FARS2: variants seen among roughly 807,000 people sequenced by gnomAD.
FARS2 encodes the protein phenylalanine--tRNA ligase, mitochondrial.
A neutral mutation model predicts 46.4 loss-of-function variants in FARS2; 40 were observed. The observed-to-expected ratio is 0.86, with a 90% confidence interval of 0.67 to 1.12. The LOEUF (loss-of-function observed/expected upper bound fraction) is 1.12, where lower values mean the gene tolerates loss of function less well. FARS2 is among the 50% of genes most tolerant of loss of function. The pLI is 0.00. For synonymous variants in FARS2, 234 were observed against 214.9 expected (o/e 1.09, Z -0.78); for missense variants, 513 against 567.9 (o/e 0.90, Z 0.98).
Position 5,343,601 on chromosome 6 carries a change from C to T in FARS2, c.-21-24949C>T, listed in dbSNP as rs1757033823. Among the ~76,000 whole-genome samples, 1 of 152,150 alleles carries T rather than the reference C, an allele frequency of 6.6e-6. No homozygotes were observed. Among genetic ancestry groups the T allele is most frequent in the South Asian group, 2.1e-4 (1 of 4,828 alleles). On this transcript the variant is annotated intron_variant, in intron 1 of 6. Transcript: ENST00000274680. The surrounding 1 kb of genome is among the most constrained non-coding windows in gnomAD (Gnocchi z 4.5). The stretch of plus-strand genomic sequence containing the variant: ...ATACATTTTATAACTAGAAATTGTA[C>T]ACATTTTTAGTTCTTTGGAACATGT...
At chr6:5,602,472 C>A (rs1774576654) in intron 5 of FARS2, among the ~76,000 whole-genome samples, 1 of 151,846 alleles carries the variant, frequency 6.6e-6, no homozygotes, top group South Asian at 2.1e-4. Context: ...CATGGTAAAA[C>A]CCCATCTCTA....
At chr6:5,410,838 A>G (rs1761905231) in intron 3 of FARS2, among the ~76,000 whole-genome samples, 1 of 152,174 alleles carries the variant, frequency 6.6e-6, no homozygotes, top group South Asian at 2.1e-4. Context: ...CACATCAAAA[A>G]TTTTAAGTGT....
intron 1 of FARS2, among the ~76,000 whole-genome samples, chr6:5,321,292 A>T (rs1485069444): frequency 6.6e-6 from 1 of 152,166 alleles, no homozygotes; most frequent in African/African-American, 2.4e-5. Context: ...ATGGGTAAAA[A>T]GATCTTTACA....
intron 1 of FARS2, among the ~76,000 whole-genome samples, chr6:5,347,707 C>G (rs1757326601): frequency 6.6e-6 from 1 of 152,144 alleles, no homozygotes; most frequent in African/African-American, 2.4e-5. Flanking sequence ...GTACGTTTAG[C>G]TTTGTAAAAC....
At chr6:5,392,433 T>G (rs978361639) in intron 2 of FARS2, among the ~76,000 whole-genome samples, 3 of 152,226 alleles carry the variant, frequency 2.0e-5, no homozygotes, top group African/African-American at 7.2e-5. Context: ...TAGATCTTAA[T>G]AATTTTCTAA....
At chr6:5,593,171 A>C (rs1232297858) in intron 5 of FARS2, among the ~76,000 whole-genome samples, 1 of 152,172 alleles carries the variant, frequency 6.6e-6, no homozygotes, top group Non-Finnish European at 1.5e-5. Flanking sequence ...TGGACAGAAC[A>C]GACAGGATCC....
chr6:5,561,091 A>G (rs1191625928), intron 5 of FARS2, among the ~76,000 whole-genome samples: 1 of 152,194 alleles, frequency 6.6e-6, no homozygotes, highest in Non-Finnish European at 1.5e-5. Flanking sequence ...AGATCATGCC[A>G]CTGCACGCCA....
chr6:5,535,856 C>T (rs955384422), intron 4 of FARS2, among the ~76,000 whole-genome samples: 1 of 152,010 alleles, frequency 6.6e-6, no homozygotes, highest in African/African-American at 2.4e-5. Flanking sequence ...TATTTTGAGC[C>T]ATTCTTGCTT....
chr6:5,287,658 T>C (rs926976645), intron 1 of FARS2, among the ~76,000 whole-genome samples: 3 of 152,216 alleles, frequency 2.0e-5, no homozygotes, highest in Non-Finnish European at 4.4e-5. Flanking sequence ...CTGTCGATGC[T>C]GCTCCCTTGG....
chr6:5,276,480 G>T (rs1437959172), intron 1 of FARS2, among the ~76,000 whole-genome samples: 4 of 152,196 alleles, frequency 2.6e-5, no homozygotes, highest in African/African-American at 9.7e-5. Context: ...CTGTCTTGGG[G>T]ATACTGAGAC....
At chr6:5,260,506 G>C, upstream of FARS2, 2 of 1,161,522 alleles carry the variant, frequency 1.7e-6, no homozygotes, top group African/African-American at 1.6e-5. Flanking sequence ...CACGCTTTTC[G>C]ATGGCGGAGC....
intron 6 of FARS2, among the ~76,000 whole-genome samples, chr6:5,689,118 G>A (rs1476529842): frequency 1.3e-5 from 2 of 152,140 alleles, no homozygotes; most frequent in Admixed American, 6.5e-5. Context: ...CTTGCTAGCA[G>A]TCTCTCAATT....
intron 2 of FARS2, among the ~76,000 whole-genome samples, chr6:5,387,759 A>G (rs1760229213): frequency 6.6e-6 from 1 of 152,148 alleles, no homozygotes; most frequent in Admixed American, 6.5e-5. Context: ...TCATTCTTTC[A>G]TGTTGGTTAC....
At chr6:5,443,152 T>G (rs1053513808) in intron 4 of FARS2, among the ~76,000 whole-genome samples, 11 of 152,226 alleles carry the variant, frequency 7.2e-5, no homozygotes, top group African/African-American at 2.7e-4. Context: ...TTTAAACTGT[T>G]ATCCTTTTTC....
intron 6 of FARS2, among the ~76,000 whole-genome samples, chr6:5,684,638 A>G (rs1757044832): frequency 6.6e-6 from 1 of 152,214 alleles, no homozygotes; most frequent in African/African-American, 2.4e-5. Flanking sequence ...TAGTGCTTCC[A>G]GTCAGGAAGC....
chr6:5,514,970 G>A (rs2326612), intron 4 of FARS2, among the ~76,000 whole-genome samples: 16,755 of 151,516 alleles, frequency 0.11, 988 homozygotes, highest in Admixed American at 0.16. Flanking sequence ...AAGAGATGGG[G>A]TCTTACTGTT....
chr6:5,771,169 C>A, intron 6 of FARS2, 122 bp from the exon 7 acceptor site: 1 of 1,037,634 alleles, frequency 9.6e-7, no homozygotes, highest in Non-Finnish European at 1.4e-6. Context: ...GTAAATGGTA[C>A]CTGGATTCCA....
At chr6:5,704,691 T>C (rs1235579261) in intron 6 of FARS2, among the ~76,000 whole-genome samples, 2 of 152,192 alleles carry the variant, frequency 1.3e-5, no homozygotes, top group Non-Finnish European at 2.9e-5. Flanking sequence ...AGGTAATAAT[T>C]AAGCTTCTAC....
At chr6:5,519,602 A>G (rs1376180224) in intron 4 of FARS2, among the ~76,000 whole-genome samples, 2 of 152,222 alleles carry the variant, frequency 1.3e-5, no homozygotes, top group Non-Finnish European at 2.9e-5. Flanking sequence ...ACTCCCAACA[A>G]GGCCAACGAA....
Sources: allele counts gnomAD v4.1 joint callset (sites outside exome capture counted in the v4.1 genomes callset), GRCh38; gene constraint gnomAD v4.1.1; non-coding constraint Gnocchi (gnomAD v3.1); transcripts MANE v1.5; gene names NCBI Gene and HGNC (gene_info 2026-07-23, HGNC 2026-07-21).